The following SORCS3 variants were observed in gnomAD, a reference collection of about 807,000 sequenced individuals.
The protein encoded by SORCS3 is sortilin related VPS10 domain containing receptor 3, also known as VPS10 domain-containing receptor SorCS3.
A neutral mutation model predicts 146.3 loss-of-function variants in SORCS3; 57 were observed. The observed-to-expected ratio is 0.39, with a 90% confidence interval of 0.31 to 0.49. The LOEUF (loss-of-function observed/expected upper bound fraction) is 0.49, where lower values mean the gene tolerates loss of function less well. SORCS3 is among the 20% of genes least tolerant of loss of function. The pLI is 0.92. For missense variants in SORCS3, 1,341 were observed against 1,575.5 expected (o/e 0.85, Z 2.52); for synonymous variants, 653 against 618.5 (o/e 1.06, Z -0.83).
intron 1 of SORCS3, among the ~76,000 whole-genome samples, chr10:104,681,690 C>T (rs577473781): frequency 1.3e-5 from 2 of 151,880 alleles, no homozygotes; most frequent in South Asian, 4.2e-4. Context: ...TTCCTGTCTG[C>T]TCCTCTAGCT....
chr10:104,797,115 T>C (rs970479397), intron 1 of SORCS3, among the ~76,000 whole-genome samples: 1 of 152,208 alleles, frequency 6.6e-6, no homozygotes, highest in African/African-American at 2.4e-5. Context: ...ATTCTGCTTT[T>C]AAGAAGGATG....
At chr10:104,753,886 AT>A (rs1292676758) in intron 1 of SORCS3, among the ~76,000 whole-genome samples, 1 of 152,184 alleles carries the variant, frequency 6.6e-6, no homozygotes, top group African/African-American at 2.4e-5. Context: ...TGCTGACCAT[AT>A]TTTCAGAAGC....
chr10:105,128,972 A>G (rs1216096431), intron 7 of SORCS3, among the ~76,000 whole-genome samples: 2 of 152,184 alleles, frequency 1.3e-5, no homozygotes, highest in Non-Finnish European at 2.9e-5. Flanking sequence ...ATGGGTTACA[A>G]TGCCTAAAAT....
intron 14 of SORCS3, among the ~76,000 whole-genome samples, chr10:105,187,629 G>A (rs1282795643): frequency 1.3e-5 from 2 of 152,182 alleles, no homozygotes; most frequent in African/African-American, 4.8e-5. Flanking sequence ...TGGAGGCAGA[G>A]GAAAAAGGAG....
intron 2 of SORCS3, among the ~76,000 whole-genome samples, chr10:104,879,197 A>AAT (rs777852297): frequency 6.6e-6 from 1 of 152,248 alleles, no homozygotes; most frequent in African/African-American, 2.4e-5. Flanking sequence ...TTTGTAAGTT[A>AAT]GAAGTCCAGT....
intron 1 of SORCS3, among the ~76,000 whole-genome samples, chr10:104,709,212 G>C (rs1296170587): frequency 6.6e-6 from 1 of 152,186 alleles, no homozygotes; most frequent in Non-Finnish European, 1.5e-5. Flanking sequence ...GTGAGGTAGA[G>C]GGGGAGATTT....
At chr10:105,048,541 G>A (rs1225701739) in intron 5 of SORCS3, among the ~76,000 whole-genome samples, 1 of 119,448 alleles carries the variant, frequency 8.4e-6, no homozygotes, top group South Asian at 3.5e-4. Context: ...GTTGTGGGGT[G>A]GGGGGAGGGG....
intron 6 of SORCS3, among the ~76,000 whole-genome samples, chr10:105,091,067 CTCCCTCCCTCCTTCCT>C (rs2055698558): frequency 1.3e-5 from 2 of 151,440 alleles, no homozygotes; most frequent in Admixed American, 6.6e-5. Context: ...CTCTGTACTC[CTCCCTCCCTCCTTCCT>C]TCCCTCCCTC....
chr10:104,845,584 A>G (rs2018194489), intron 2 of SORCS3, among the ~76,000 whole-genome samples: 1 of 152,104 alleles, frequency 6.6e-6, no homozygotes, highest in South Asian at 2.1e-4. Flanking sequence ...TCCTTGCTGC[A>G]GAGGTGCATG....
Position 105,067,827 on chromosome 10 carries a change from G to T in SORCS3, c.1029-21948G>T, listed in dbSNP as rs748024821. Among the ~76,000 whole-genome samples, 3 of 151,960 alleles carry T rather than the reference G, an allele frequency of 2.0e-5. No individual in the cohort carries two copies. In the South Asian group the frequency reaches 6.3e-4, roughly 32 times the overall value. On this transcript the variant is annotated intron_variant, in intron 5 of 26. Coordinates refer to ENST00000369701, the MANE Select transcript of SORCS3 (RefSeq NM_014978.3). ...GGAGTCTTTGTCCTTCCTTGATCAT[G>T]ATTTTCTTGTTTTTCTTTTTACCTT...
At position 105,220,066 on chromosome 10, in the gene SORCS3, G is replaced by A. The variant is rs186536170; in HGVS notation, c.2734+2944G>A. ...TTAGCTGCCCAAAATAACCAATCTC[G>A]CACAGATTATTAGATTTTTATCAAA... On this transcript the variant is annotated intron_variant, in intron 19 of 26. Transcript: ENST00000369701. Among the ~76,000 whole-genome samples the A allele has an allele frequency of 1.8e-3, 280 of 152,210 alleles. 1 individual carries two copies. Among genetic ancestry groups the A allele is most frequent in the Non-Finnish European group, 2.7e-3 (184 of 68,006 alleles).
intron 14 of SORCS3, among the ~76,000 whole-genome samples, chr10:105,196,896 C>T (rs572242013): frequency 6.6e-6 from 1 of 152,196 alleles, no homozygotes; most frequent in African/African-American, 2.4e-5. Context: ...GTTTAGAGTC[C>T]ACAATCAAAA....
intron 12 of SORCS3, among the ~76,000 whole-genome samples, chr10:105,165,012 G>T (rs968722520): frequency 2.0e-5 from 3 of 152,160 alleles, no homozygotes; most frequent in Non-Finnish European, 4.4e-5. Context: ...CAGCTATGGA[G>T]CACTTGAAAT....
intron 1 of SORCS3, among the ~76,000 whole-genome samples, chr10:104,749,182 G>A (rs1182934571): frequency 1.3e-5 from 2 of 151,466 alleles, no homozygotes; most frequent in Admixed American, 6.6e-5. Context: ...ATCAAGTGTG[G>A]TTACTGAGCA....
intron 5 of SORCS3, among the ~76,000 whole-genome samples, chr10:105,044,693 T>TG (rs971324693): frequency 1.3e-5 from 2 of 151,956 alleles, no homozygotes; most frequent in South Asian, 2.1e-4. Flanking sequence ...ACTGTTTTTT[T>TG]TTTTGTTTTG....
intron 1 of SORCS3, among the ~76,000 whole-genome samples, chr10:104,736,918 C>G (rs2016780825): frequency 1.3e-5 from 2 of 152,018 alleles, no homozygotes; most frequent in African/African-American, 4.8e-5. Context: ...TCTCCTAATG[C>G]CATCCCTCCC....
At chr10:104,642,022 G>GGGGGGGGGGGGGGGCC in intron 1 of SORCS3, 68 bp downstream of exon 1, 7 of 173,336 alleles carry the variant, frequency 4.0e-5, no homozygotes, top group Middle Eastern at 1.4e-3. Flanking sequence ...GGGTGGGTGG[G>GGGGGGGGGGGGGGGCC]AGCGAGGGAC....
At chr10:104,935,663 G>A (rs1331324170) in intron 3 of SORCS3, among the ~76,000 whole-genome samples, 1 of 152,082 alleles carries the variant, frequency 6.6e-6, no homozygotes, top group Admixed American at 6.6e-5. Flanking sequence ...GATTCTGCCC[G>A]GCAGGTCTAG....
At chr10:105,262,624 T>G (rs2418750) in intron 26 of SORCS3, 133 bp downstream of exon 26, 535,453 of 940,756 alleles carry the variant, frequency 0.57, 154,035 homozygotes, top group East Asian at 0.68. Context: ...AATCATGTTT[T>G]AAATTTGTCT....
Sources: gnomAD v4.1 joint callset for allele counts (sites outside exome capture counted in the v4.1 genomes callset) on GRCh38, gnomAD v4.1.1 for gene constraint, MANE v1.5 for transcripts, NCBI Gene and HGNC (gene_info 2026-07-23, HGNC 2026-07-21) for gene names.